WBP2NL: variants seen among roughly 807,000 people sequenced by gnomAD.
WBP2NL encodes the protein postacrosomal sheath WW domain-binding protein.
WBP2NL carries 27 observed loss-of-function variants against 23.3 expected under a neutral mutation model. The ratio of observed to expected loss-of-function variants is 1.16; its 90% CI spans 0.85 to 1.60. The LOEUF is 1.60. Among genes scored for constraint, WBP2NL ranks in the 40% most tolerant of loss-of-function variants. The pLI, the probability that WBP2NL is intolerant of heterozygous loss-of-function variation, is 0.00. For missense variants in WBP2NL, 370 were observed against 389.5 expected (o/e 0.95, Z 0.42); for synonymous variants, 151 against 145.9 (o/e 1.03, Z -0.25).
At chr22:42,038,310 T>A (rs933326223) in intron 8 of WBP2NL, among the ~76,000 whole-genome samples, 2 of 152,228 alleles carry the variant, frequency 1.3e-5, no homozygotes, top group African/African-American at 4.8e-5. Context: ...TGACCTTGTA[T>A]CCTATGGATA....
At chr22:42,036,755 G>C (rs1925196494), downstream of WBP2NL, among the ~76,000 whole-genome samples, 1 of 151,930 alleles carries the variant, frequency 6.6e-6, no homozygotes, top group Admixed American at 6.6e-5. Context: ...TTTGGTTCTT[G>C]GCCCATTTTT....
intron 8 of WBP2NL, among the ~76,000 whole-genome samples, chr22:42,044,952 T>C (rs935776885): frequency 3.9e-5 from 6 of 152,028 alleles, no homozygotes; most frequent in Non-Finnish European, 2.9e-5. Flanking sequence ...TAGCTGGGAC[T>C]ACAGGCACAT....
intron 1 of WBP2NL, among the ~76,000 whole-genome samples, chr22:42,010,402 T>A (rs1276705458): frequency 6.6e-6 from 1 of 152,222 alleles, no homozygotes; most frequent in Non-Finnish European, 1.5e-5. Flanking sequence ...GAGGGGAAGC[T>A]TTCAGTCTTT....
At position 42,040,544 on chromosome 22, in the gene WBP2NL, A is replaced by G. The variant is rs574214175; in HGVS notation, c.*273+9721A>G. Among the ~76,000 whole-genome samples, 27 of 152,232 alleles carry G rather than the reference A, an allele frequency of 1.8e-4. 1 individual carries two copies. In the South Asian group the frequency reaches 4.8e-3, roughly 27 times the overall value. ...CTGACCGAGATCTTTCTTCTTTTTA[A>G]ACATAGGTGTTTAATGCTATACATT... On this transcript the variant is annotated intron_variant and NMD_transcript_variant, in intron 8 of 8. Coordinates refer to the WBP2NL transcript ENST00000436265.
intron 1 of WBP2NL, chr22:42,003,061 G>A (rs1026405387): frequency 1.3e-5 from 2 of 152,318 alleles, no homozygotes; most frequent in African/African-American, 4.8e-5. Flanking sequence ...GGAGACTGAG[G>A]CAGGAGAATC....
At chr22:42,034,241 G>T (rs960599087), downstream of WBP2NL, among the ~76,000 whole-genome samples, 51 of 152,358 alleles carry the variant, frequency 3.3e-4, no homozygotes, top group Non-Finnish European at 1.3e-4. Context: ...CGGGGGACCT[G>T]CCCCAATAAT....
At chr22:42,016,234 G>A (rs1923299356) in intron 1 of WBP2NL, among the ~76,000 whole-genome samples, 1 of 152,094 alleles carries the variant, frequency 6.6e-6, no homozygotes, top group South Asian at 2.1e-4. Context: ...TCCCGCCTCA[G>A]CCTCCCAAAG....
intron 8 of WBP2NL, among the ~76,000 whole-genome samples, chr22:42,056,388 T>C: frequency 6.6e-6 from 1 of 152,210 alleles, no homozygotes; most frequent in East Asian, 1.9e-4. Context: ...TGCATTTAAG[T>C]TACCTTTTAA....
intron 4 of WBP2NL, among the ~76,000 whole-genome samples, chr22:42,021,992 G>T (rs747865219): frequency 5.9e-5 from 9 of 151,766 alleles, no homozygotes; most frequent in Non-Finnish European, 1.0e-4. Context: ...TAGAGATAGG[G>T]TCTTGCCATG....
chr22:42,051,517 T>A (rs1356151989), intron 8 of WBP2NL, among the ~76,000 whole-genome samples: 2 of 152,254 alleles, frequency 1.3e-5, no homozygotes, highest in Non-Finnish European at 2.9e-5. Context: ...TATGAACGTT[T>A]GCTAATAATG....
chr22:42,043,301 C>CA (rs1302346847), intron 8 of WBP2NL, among the ~76,000 whole-genome samples: 1 of 152,146 alleles, frequency 6.6e-6, no homozygotes, highest in East Asian at 1.9e-4. Flanking sequence ...ACAGTGGCTG[C>CA]AAGGGCTGTT....
intron 1 of WBP2NL, among the ~76,000 whole-genome samples, chr22:42,014,476 T>C (rs1486685717): frequency 6.6e-6 from 1 of 150,974 alleles, no homozygotes; most frequent in African/African-American, 2.4e-5. Context: ...TTCTGCCCAC[T>C]GTGGCCTCCC....
intron 1 of WBP2NL, chr22:42,001,044 A>T (rs1417250353): frequency 9.2e-6 from 7 of 757,672 alleles, no homozygotes; most frequent in African/African-American, 8.7e-5. Flanking sequence ...GCCTGTTCAA[A>T]GGGGGAAAAA....
chr22:42,026,287 A>G (rs935775303), intron 5 of WBP2NL, among the ~76,000 whole-genome samples: 4 of 133,606 alleles, frequency 3.0e-5, no homozygotes, highest in African/African-American at 1.4e-4. Context: ...AATAATAATA[A>G]TAATAATAAT....
chr22:42,033,325 A>G (rs1004496649), downstream of WBP2NL, among the ~76,000 whole-genome samples: 1 of 152,176 alleles, frequency 6.6e-6, no homozygotes, highest in Non-Finnish European at 1.5e-5. Flanking sequence ...ATAGGGCCCC[A>G]AAGAGGGAGT....
downstream of WBP2NL, chr22:42,031,619 G>C (rs1006351618): frequency 1.3e-5 from 2 of 152,054 alleles, no homozygotes; most frequent in Admixed American, 1.3e-4. Context: ...TCCCCAGCCT[G>C]CTGGAGCAGA....
At chr22:42,043,545 G>A (rs977893863) in intron 8 of WBP2NL, among the ~76,000 whole-genome samples, 1 of 152,080 alleles carries the variant, frequency 6.6e-6, no homozygotes, top group African/African-American at 2.4e-5. Flanking sequence ...GTGTAGCTGT[G>A]GTGTTGGTAG....
intron 1 of WBP2NL, chr22:42,001,205 G>T: frequency 4.1e-6 from 3 of 732,532 alleles, no homozygotes; most frequent in Non-Finnish European, 7.5e-6. Context: ...GCAGTCAAAT[G>T]TGCCTGTGTA....
intron 8 of WBP2NL, among the ~76,000 whole-genome samples, chr22:42,054,307 A>G (rs1925951742): frequency 6.6e-6 from 1 of 151,726 alleles, no homozygotes; most frequent in South Asian, 2.1e-4. Flanking sequence ...TAGCCTCCTG[A>G]GCAGCTGGGA....
Sources: gnomAD v4.1 joint callset for allele counts (sites outside exome capture counted in the v4.1 genomes callset) on GRCh38, gnomAD v4.1.1 for gene constraint, MANE v1.5 for transcripts, NCBI Gene and HGNC (gene_info 2026-07-23, HGNC 2026-07-21) for gene names.